SHANK2: variants seen among roughly 807,000 people sequenced by gnomAD.
SHANK2 encodes the protein SH3 and multiple ankyrin repeat domains 2, also known as SH3 and multiple ankyrin repeat domains protein 2.
SHANK2 carries 43 observed loss-of-function variants against 133.7 expected under a neutral mutation model. That is an observed-to-expected ratio of 0.32 (90% confidence interval 0.25 to 0.41). The LOEUF (loss-of-function observed/expected upper bound fraction) is 0.41. SHANK2 is among the 10% of genes least tolerant of loss of function. SHANK2 has a pLI of 1.00. For synonymous variants in SHANK2, 1,017 were observed against 952.8 expected, an observed-to-expected ratio of 1.07 and a Z score of -1.24; for missense variants, 1,994 against 2,235.8, an observed-to-expected ratio of 0.89 and a Z score of 2.18.
chr11:70,845,216 A>G (rs1396327605), intron 11 of SHANK2, among the ~76,000 whole-genome samples: 17 of 142,202 alleles, frequency 1.2e-4, no homozygotes, highest in African/African-American at 2.1e-4. Context: ...AAAAAAAAAA[A>G]AAAGAAAAAG....
At chr11:71,228,054 C>G (rs1342264262) in intron 1 of SHANK2, among the ~76,000 whole-genome samples, 1 of 151,862 alleles carries the variant, frequency 6.6e-6, no homozygotes, top group Non-Finnish European at 1.5e-5. Flanking sequence ...TTACCAATAC[C>G]AGGAATTAAA....
rs1352039367 is a variant in SHANK2, at chr11:71,204,774, C to A, written c.-13+19923G>T. On this transcript the variant is annotated intron_variant, in intron 2 of 25. Transcript: ENST00000601538. ...GGGACTGCTAAGTGATGAGGGCCACCCTGGAGCCACGCCAGACAAGTCCTG... is the reference window on the plus strand; with the variant it reads ...GGGACTGCTAAGTGATGAGGGCCACACTGGAGCCACGCCAGACAAGTCCTG... 2.6e-5 allele frequency among the ~76,000 whole-genome samples: 4 copies of A among 152,160 alleles called. No homozygotes were observed. In the East Asian group the frequency reaches 7.7e-4, roughly 29 times the overall value.
intron 17 of SHANK2, among the ~76,000 whole-genome samples, chr11:70,653,548 T>C (rs2061365481): frequency 1.4e-5 from 2 of 147,128 alleles, no homozygotes; most frequent in South Asian, 4.3e-4. Context: ...GTTCAAGTGA[T>C]TCTCCTGCCT....
intron 14 of SHANK2, among the ~76,000 whole-genome samples, chr11:70,761,201 G>C (rs563221820): frequency 6.6e-6 from 1 of 152,170 alleles, no homozygotes; most frequent in African/African-American, 2.4e-5. Context: ...GGGGCCTTTG[G>C]GAGGTGACTG....
intron 2 of SHANK2, among the ~76,000 whole-genome samples, chr11:71,163,097 CATAT>C (rs11271716): frequency 5.0e-5 from 5 of 100,120 alleles, no homozygotes; most frequent in South Asian, 3.9e-4. Flanking sequence ...AAAAAAAATA[CATAT>C]ATATATATAT....
At chr11:70,911,016 C>G (rs951997414) in intron 10 of SHANK2, 10 of 456,972 alleles carry the variant, frequency 2.2e-5, no homozygotes, top group Admixed American at 1.6e-4. Flanking sequence ...TTTGCAGAAA[C>G]GAAGGGGGTG....
chr11:70,758,964 T>A (rs1311173110), intron 14 of SHANK2, among the ~76,000 whole-genome samples: 1 of 146,460 alleles, frequency 6.8e-6, no homozygotes, highest in African/African-American at 2.5e-5. Flanking sequence ...ATCAAGACCT[T>A]CCTGGCCAAC....
chr11:70,869,338 G>A (rs921617997), intron 11 of SHANK2, among the ~76,000 whole-genome samples: 1 of 152,194 alleles, frequency 6.6e-6, no homozygotes, highest in Non-Finnish European at 1.5e-5. Context: ...AGACCAGCAG[G>A]TTTCAGAGGG....
intron 11 of SHANK2, among the ~76,000 whole-genome samples, chr11:70,883,124 C>T (rs1303218279): frequency 2.0e-5 from 3 of 152,154 alleles, no homozygotes; most frequent in Non-Finnish European, 2.9e-5. Context: ...GTCTGGGCTC[C>T]AGGATCCTCA....
chr11:70,908,541 T>A (rs990353505), intron 10 of SHANK2, among the ~76,000 whole-genome samples: 19 of 152,198 alleles, frequency 1.2e-4, no homozygotes, highest in Admixed American at 6.5e-4. Context: ...GTCATGGGGA[T>A]CTGCAGGTGT....
At chr11:71,146,919 G>A (rs543869774) in intron 3 of SHANK2, among the ~76,000 whole-genome samples, 10 of 152,170 alleles carry the variant, frequency 6.6e-5, no homozygotes, top group Admixed American at 1.3e-4. Flanking sequence ...CATGATGTGA[G>A]GCCAGCGGCA....
At chr11:70,653,567 C>CAAAAAAAAA (rs1157982312) in intron 17 of SHANK2, among the ~76,000 whole-genome samples, 19 of 61,718 alleles carry the variant, frequency 3.1e-4, no homozygotes, top group South Asian at 6.4e-4. Context: ...CTCAGCCTTC[C>CAAAAAAAAA]AAAAAAAAAA....
At chr11:70,692,850 T>G (rs1555021376) in intron 15 of SHANK2, among the ~76,000 whole-genome samples, 1 of 152,212 alleles carries the variant, frequency 6.6e-6, no homozygotes, top group African/African-American at 2.4e-5. Context: ...ATCCTTCTAA[T>G]TCGCTCTCTA....
intron 17 of SHANK2, among the ~76,000 whole-genome samples, chr11:70,599,889 A>AGG (rs2060459458): frequency 1.4e-5 from 1 of 73,628 alleles, no homozygotes; most frequent in Admixed American, 1.4e-4. Flanking sequence ...GAAAGAAAGA[A>AGG]AAAGAAAGAA....
chr11:71,227,596 T>G (rs925498689), intron 1 of SHANK2, among the ~76,000 whole-genome samples: 1 of 151,488 alleles, frequency 6.6e-6, no homozygotes, highest in Admixed American at 6.6e-5. Context: ...AAAGAAGACA[T>G]AAATCCACAC....
chr11:70,947,071 C>A (rs955656891), intron 10 of SHANK2, among the ~76,000 whole-genome samples: 1 of 151,572 alleles, frequency 6.6e-6, no homozygotes, highest in Non-Finnish European at 1.5e-5. Flanking sequence ...AATTAACCAA[C>A]TGACTTGGAA....
chr11:70,847,946 C>T (rs1316444667), intron 11 of SHANK2, among the ~76,000 whole-genome samples: 2 of 152,196 alleles, frequency 1.3e-5, no homozygotes, highest in African/African-American at 4.8e-5. Flanking sequence ...ACCTGGGGAG[C>T]CCAGGGCTGC....
rs1165286691 is a variant in SHANK2 at position 70,569,495 on chromosome 11, AG to A, written c.2062-66565del. On this transcript the variant is annotated intron_variant, in intron 17 of 25. Coordinates refer to ENST00000601538, the MANE Select transcript of SHANK2 (RefSeq NM_012309.5). This position sits in a 1 kb window ranked among gnomAD's most constrained non-coding sequence, Gnocchi z 5.1. ...CGGGGTTGACCAACGATGAGGCCCC[AG>A]GAAGAGAGGCATGGGTGGCGCTGCC... Among the ~76,000 whole-genome samples the A allele has an allele frequency of 6.6e-6, 1 of 152,136 alleles. No individual in the cohort carries two copies. Among genetic ancestry groups the A allele is most frequent in the Non-Finnish European group, 1.5e-5 (1 of 68,012 alleles).
chr11:71,071,996 G>A (rs1237243765), intron 9 of SHANK2, among the ~76,000 whole-genome samples: 5 of 152,154 alleles, frequency 3.3e-5, no homozygotes, highest in Admixed American at 1.3e-4. Flanking sequence ...CTGCTCTGCC[G>A]CTTAGTGTAG....
Sources: allele counts gnomAD v4.1 joint callset (sites outside exome capture counted in the v4.1 genomes callset), GRCh38; gene constraint gnomAD v4.1.1; non-coding constraint Gnocchi (gnomAD v3.1); transcripts MANE v1.5; gene names NCBI Gene and HGNC (gene_info 2026-07-23, HGNC 2026-07-21).